TRPM7: variants seen among roughly 807,000 people sequenced by gnomAD.
The protein encoded by TRPM7 is transient receptor potential cation channel subfamily M member 7.
A neutral mutation model predicts 229.7 loss-of-function variants in TRPM7; 134 were observed. The observed-to-expected ratio is 0.58, with a 90% CI of 0.51 to 0.67. TRPM7 has a LOEUF of 0.67. Among genes scored for constraint, TRPM7 ranks in the 30% least tolerant of loss-of-function variants. The probability of loss-of-function intolerance (pLI) is 0.00; values close to 1 mark genes in which losing one functional copy is unlikely to be tolerated. For missense variants in TRPM7, 1,901 were observed against 2,210.0 expected, an observed-to-expected ratio of 0.86 and a Z score of 2.80; for synonymous variants, 699 against 715.2, an observed-to-expected ratio of 0.98 and a Z score of 0.36.
intron 6 of TRPM7, among the ~76,000 whole-genome samples, chr15:50,638,926 C>T (rs1300214019): frequency 6.6e-6 from 1 of 152,162 alleles, no homozygotes; most frequent in East Asian, 1.9e-4. Flanking sequence ...AGTGATCAGC[C>T]CGCCTCAGCC....
chr15:50,683,134 C>T (rs867982325), intron 1 of TRPM7, among the ~76,000 whole-genome samples: 12 of 151,696 alleles, frequency 7.9e-5, no homozygotes, highest in African/African-American at 1.7e-4. Flanking sequence ...GGGATCCACC[C>T]GCCTCAGTCT....
At chr15:50,662,184 T>C (rs1423939409) in intron 2 of TRPM7, among the ~76,000 whole-genome samples, 2 of 152,140 alleles carry the variant, frequency 1.3e-5, no homozygotes, top group Non-Finnish European at 2.9e-5. Flanking sequence ...AAACCCCATC[T>C]CTACTAAAAA....
rs138982137 is a variant in TRPM7, at chr15:50,672,779, G to T, written c.4-9733C>A. ...ATAAAAATTAGCCAAGTGTGGTGGC[G>T]GATGCCTCTCATCCCAGCTACTCAG... On this transcript the variant is annotated intron_variant, in intron 1 of 38. Transcript: ENST00000646667. 4.1e-3 allele frequency among the ~76,000 whole-genome samples: 613 copies of T among 150,834 alleles called. 5 individuals carry two copies. Among genetic ancestry groups the T allele is most frequent in the African/African-American group, 0.014 (579 of 41,104 alleles).
intron 28 of TRPM7, among the ~76,000 whole-genome samples, chr15:50,585,972 G>A (rs920065482): frequency 5.9e-5 from 9 of 151,782 alleles, no homozygotes; most frequent in Admixed American, 2.0e-4. Flanking sequence ...ACAAATAGTG[G>A]TAAATGTGGG....
At chr15:50,586,329 A>G (rs2059341836) in intron 28 of TRPM7, 63 bp downstream of exon 28, 1 of 1,136,466 alleles carries the variant, frequency 8.8e-7, no homozygotes, top group Non-Finnish European at 1.3e-6. Context: ...GACAAACATA[A>G]AATACATTTA....
intron 16 of TRPM7, 33 bp downstream of exon 16, chr15:50,612,516 T>C: frequency 6.3e-7 from 1 of 1,588,504 alleles, no homozygotes; most frequent in African/African-American, 1.3e-5. Context: ...TTTGAATTTT[T>C]AAAATGTTTT....
chr15:50,644,940 T>G (rs185941001), intron 4 of TRPM7, among the ~76,000 whole-genome samples: 2 of 152,156 alleles, frequency 1.3e-5, no homozygotes, highest in Non-Finnish European at 2.9e-5. Flanking sequence ...CAGGCTCTGT[T>G]GCCCAGGCTG....
At chr15:50,656,629 T>C (rs2061581806) in intron 3 of TRPM7, among the ~76,000 whole-genome samples, 1 of 151,418 alleles carries the variant, frequency 6.6e-6, no homozygotes, top group Non-Finnish European at 1.5e-5. Context: ...AACCATCACA[T>C]CCAGCCTGTC....
chr15:50,570,248 G>A (rs1305964286), intron 36 of TRPM7, 93 bp from the exon 37 acceptor site: 3 of 881,454 alleles, frequency 3.4e-6, no homozygotes, highest in Non-Finnish European at 5.2e-6. Context: ...CTTAAGAGAT[G>A]TTATAGTATC....
At position 50,631,408 on chromosome 15, in the gene TRPM7, G is replaced by A. The variant is rs2060727104; in HGVS notation, c.1204+9C>T. 1 of 1,589,928 alleles carries A rather than the reference G, an allele frequency of 6.3e-7. No homozygotes were observed. Among genetic ancestry groups the A allele is most frequent in the East Asian group, 2.2e-5 (1 of 44,624 alleles). On this transcript the variant is annotated intron_variant, in intron 10 of 38. Transcript: ENST00000646667. ...GGTCTTACAAATAAAAAAGTTCTTAGAGGCTTACCTTTTAGCAGTGCAGTA... is the reference window on the plus strand; with the variant it reads ...GGTCTTACAAATAAAAAAGTTCTTAAAGGCTTACCTTTTAGCAGTGCAGTA...
intron 16 of TRPM7, among the ~76,000 whole-genome samples, chr15:50,611,759 C>A (rs1284796190): frequency 6.6e-6 from 1 of 152,194 alleles, no homozygotes; most frequent in Non-Finnish European, 1.5e-5. Context: ...ACCATAGGAT[C>A]CCTGTTAAAG....
chr15:50,585,103 G>A (rs370535925), intron 28 of TRPM7, among the ~76,000 whole-genome samples: 5 of 134,006 alleles, frequency 3.7e-5, no homozygotes, highest in Non-Finnish European at 4.6e-5. Context: ...CGCCCAGGCC[G>A]GACTGCAGAC....
intron 23 of TRPM7, 68 bp from the exon 24 acceptor site, chr15:50,594,681 G>T (rs532828652): frequency 8.5e-6 from 9 of 1,060,036 alleles, no homozygotes; most frequent in Non-Finnish European, 1.2e-5. Flanking sequence ...AAATACTGAT[G>T]ATTTCATTGT....
Position 50,686,633 on chromosome 15 carries a change from G to A in TRPM7, c.-100C>T. 1 of 1,520,118 alleles carries A rather than the reference G, an allele frequency of 6.6e-7. No individual in the cohort carries two copies. Among genetic ancestry groups the A allele is most frequent in the Non-Finnish European group, 8.9e-7 (1 of 1,128,904 alleles). The allele number at this position is 1,520,118 out of a possible 1,614,324, so 94.2% of individuals were successfully genotyped here. A position where few individuals can be genotyped will look rare whatever the true frequency, so the allele number is the denominator to read the frequency against. ...GGAAGCGTCTCCGGAGGCGGCAGCA[G>A]AGGCCGCCGGACAAGGAACGCCCAG... On this transcript the variant is annotated 5_prime_UTR_variant, in exon 1 of 39. Coordinates refer to ENST00000646667, the MANE Select transcript of TRPM7 (RefSeq NM_017672.6).
Position 50,648,688 on chromosome 15 carries a change from T to C in TRPM7, c.320A>G (p.Lys107Arg). The change falls in exon 4 of 39, where the codon AAG (lysine) becomes AGG (arginine). Residue 107 changes from lysine (K) to arginine (R), a missense_variant and splice_region_variant. By Grantham distance (26) the Lys-to-Arg change is conservative. Around this residue, in one of 8 missense-constraint regions of TRPM7, gnomAD observed 794 missense variants for 881.9 expected, o/e 0.90. Transcript: ENST00000646667. ...AGAAAAATCCAATATGTGACATACCTTAGCTCTGTAGGAATGAGAACCCCC... is the reference window on the plus strand; with the variant it reads ...AGAAAAATCCAATATGTGACATACCCTAGCTCTGTAGGAATGAGAACCCCC... ...FQGGSHSYRA[K>R]YVRLSYDTKP... 6.2e-7 allele frequency: 1 copy of C among 1,604,220 alleles called. No homozygotes were observed. The highest frequency in any genetic ancestry group is 8.5e-7 in the Non-Finnish European group (1 of 1,174,932).
chr15:50,613,913 T>G, intron 14 of TRPM7, 72 bp from the exon 15 acceptor site: 1 of 1,540,982 alleles, frequency 6.5e-7, no homozygotes. Flanking sequence ...AAGAATCAAT[T>G]TATATATGTG....
At chr15:50,582,820 G>A (rs767820759) in intron 29 of TRPM7, among the ~76,000 whole-genome samples, 9 of 152,000 alleles carry the variant, frequency 5.9e-5, no homozygotes, top group Non-Finnish European at 1.2e-4. Context: ...AATCATTATC[G>A]CAGTTAGCTG....
At chr15:50,634,283 T>G in intron 8 of TRPM7, 99 bp downstream of exon 8, 1 of 959,254 alleles carries the variant, frequency 1.0e-6, no homozygotes, top group Non-Finnish European at 1.4e-6. Flanking sequence ...ATTGCACCAC[T>G]GCACGCTATC....
chr15:50,668,116 C>A (rs932794723), intron 1 of TRPM7, among the ~76,000 whole-genome samples: 4 of 152,112 alleles, frequency 2.6e-5, no homozygotes, highest in Admixed American at 2.6e-4. Flanking sequence ...ATGTTTTGAT[C>A]CTCTTCGAAA....
Sources: gnomAD v4.1 joint callset for allele counts (sites outside exome capture counted in the v4.1 genomes callset) on GRCh38, gnomAD v4.1.1 for gene constraint, gnomAD v4.1.1 regional missense constraint, MANE v1.5 for transcripts, NCBI Gene and HGNC (gene_info 2026-07-23, HGNC 2026-07-21) for gene names.